The following KCNJ12 variants were observed in gnomAD, a reference collection of about 807,000 sequenced individuals.
KCNJ12 encodes the protein potassium inwardly rectifying channel subfamily J member 12.
A neutral mutation model predicts 22.3 loss-of-function variants in KCNJ12; 2 were observed. The ratio of observed to expected loss-of-function variants is 0.09; its 90% CI spans 0.04 to 0.28. The LOEUF is 0.28. KCNJ12 is among the 10% of genes least tolerant of loss of function. The pLI is 1.00. For synonymous variants in KCNJ12, 117 were observed against 261.4 expected (o/e 0.45, Z 5.33); for missense variants, 155 against 633.3 (o/e 0.24, Z 8.11).
At chr17:21,401,548 G>A (rs1187635291) in intron 1 of KCNJ12, among the ~76,000 whole-genome samples, 1 of 152,226 alleles carries the variant, frequency 6.6e-6, no homozygotes, top group Non-Finnish European at 1.5e-5. Flanking sequence ...GGAGGAAGGT[G>A]GAGACGCCCT....
chr17:21,398,471 C>T (rs1555560139), intron 1 of KCNJ12, among the ~76,000 whole-genome samples: 1 of 152,230 alleles, frequency 6.6e-6, no homozygotes, highest in African/African-American at 2.4e-5. Flanking sequence ...GCCCCCACTG[C>T]CCACAGCATG....
chr17:21,413,708 G>T (rs1273294511), intron 2 of KCNJ12, among the ~76,000 whole-genome samples: 1 of 152,310 alleles, frequency 6.6e-6, no homozygotes, highest in East Asian at 1.9e-4. Flanking sequence ...CTTTAGTGGG[G>T]GCAGCACAGC....
chr17:21,387,239 G>A (rs532334385), intron 1 of KCNJ12, among the ~76,000 whole-genome samples: 2 of 151,728 alleles, frequency 1.3e-5, no homozygotes, highest in African/African-American at 4.8e-5. Flanking sequence ...TCAGGAGATC[G>A]AGACCATCCT....
In KCNJ12 at chr17:21,417,118, T is replaced by C. The variant is rs1906890211; in HGVS notation, c.*474T>C. ...TTACCATGCAATTGAAAAAATTTTT[T>C]TTTAATTCACAGGGGGCAAAAAGAA... On this transcript the variant is annotated 3_prime_UTR_variant, in exon 3 of 3. Coordinates refer to ENST00000583088, the MANE Select transcript of KCNJ12 (RefSeq NM_021012.5). 5.8e-6 allele frequency: 1 copy of C among 173,888 alleles called. No homozygotes were observed. Among genetic ancestry groups the C allele is most frequent in the Admixed American group, 6.3e-5 (1 of 15,848 alleles). 10.8% of individuals were successfully genotyped at this position (173,888 alleles called of 1,614,324 possible). A position where few individuals can be genotyped will look rare whatever the true frequency, so the allele number is the denominator to read the frequency against.
At chr17:21,414,332 G>A (rs1282439095) in intron 2 of KCNJ12, among the ~76,000 whole-genome samples, 1 of 152,298 alleles carries the variant, frequency 6.6e-6, no homozygotes, top group African/African-American at 2.4e-5. Flanking sequence ...AAAGTTAGCT[G>A]GATGTGGTGG....
intron 2 of KCNJ12, among the ~76,000 whole-genome samples, chr17:21,414,735 G>C (rs1906591273): frequency 6.6e-6 from 1 of 152,312 alleles, no homozygotes; most frequent in Non-Finnish European, 1.5e-5. Context: ...GTGGGTTTGA[G>C]GGACAGCCTG....
chr17:21,410,918 A>G (rs1274378508), intron 2 of KCNJ12, among the ~76,000 whole-genome samples: 2 of 152,306 alleles, frequency 1.3e-5, no homozygotes, highest in African/African-American at 2.4e-5. Context: ...AGCACGTGGC[A>G]GGTAGTAAGC....
At position 21,419,230 on chromosome 17, in the gene KCNJ12, G is replaced by A. The variant is rs1230772154; in HGVS notation, c.*2586G>A. 6 of 166,872 alleles carry A rather than the reference G, an allele frequency of 3.6e-5. No individual in the cohort carries two copies. The highest frequency in any genetic ancestry group is 2.1e-4 in the South Asian group (1 of 4,800). The allele number at this position is 166,872 out of a possible 1,614,324, so 10.3% of individuals were successfully genotyped here. A position where few individuals can be genotyped will look rare whatever the true frequency, so the allele number is the denominator to read the frequency against. On this transcript the variant is annotated 3_prime_UTR_variant, in exon 3 of 3. Transcript: ENST00000583088. ...GAGCCTGCATGCATACATGTGTGGT[G>A]CACACATGCACACTCGGCTCTTCAT...
chr17:21,395,609 A>G (rs556558114), intron 1 of KCNJ12, among the ~76,000 whole-genome samples: 3 of 152,066 alleles, frequency 2.0e-5, no homozygotes, highest in East Asian at 1.9e-4. Flanking sequence ...GAAAAAAGAA[A>G]AAAAGGAAAT....
intron 1 of KCNJ12, among the ~76,000 whole-genome samples, chr17:21,382,962 C>T (rs1904929288): frequency 6.6e-6 from 1 of 152,202 alleles, no homozygotes; most frequent in South Asian, 2.1e-4. Context: ...AGAGAGGGTC[C>T]CCACAGCCGG....
intron 2 of KCNJ12, among the ~76,000 whole-genome samples, chr17:21,414,021 C>A (rs1390046109): frequency 1.3e-5 from 2 of 152,308 alleles, no homozygotes; most frequent in Non-Finnish European, 2.9e-5. Flanking sequence ...AGATCTTACC[C>A]TCTTTGGCAC....
intron 1 of KCNJ12, among the ~76,000 whole-genome samples, chr17:21,392,629 T>TG (rs1289063892): frequency 6.6e-6 from 1 of 152,154 alleles, no homozygotes; most frequent in African/African-American, 2.4e-5. Context: ...GGTTCTGTAG[T>TG]GGGGGGATTT....
At chr17:21,395,188 G>A (rs1905311781) in intron 1 of KCNJ12, among the ~76,000 whole-genome samples, 1 of 151,910 alleles carries the variant, frequency 6.6e-6, no homozygotes, top group Admixed American at 6.6e-5. Flanking sequence ...CTAGCTACCC[G>A]GGAGGCTGAG....
chr17:21,418,647 G>C lies in KCNJ12; in HGVS notation c.*2003G>C, dbSNP rs1368650199. ...CATTTCTGGCATAGAAGATTCCGCC[G>C]AGGCAGCTCTTTCCTCTCGGGGTCT... is the stretch of plus-strand genomic sequence containing the variant. On this transcript the variant is annotated 3_prime_UTR_variant, in exon 3 of 3. Coordinates refer to ENST00000583088, the MANE Select transcript of KCNJ12 (RefSeq NM_021012.5). The C allele has an allele frequency of 6.0e-6, 1 of 167,406 alleles. No individual in the cohort carries two copies. The highest frequency in any genetic ancestry group is 6.5e-5 in the Admixed American group (1 of 15,288). 10.4% of individuals were successfully genotyped at this position (167,406 alleles called of 1,614,324 possible).
At chr17:21,412,741 G>A (rs1170389207) in intron 2 of KCNJ12, among the ~76,000 whole-genome samples, 9 of 152,412 alleles carry the variant, frequency 5.9e-5, no homozygotes, top group African/African-American at 2.2e-4. Flanking sequence ...CAGCCACAGC[G>A]GTGTTGGGGG....
Position 21,419,133 on chromosome 17 carries a change from C to T in KCNJ12, c.*2489C>T, listed in dbSNP as rs1409605327. 5 of 166,874 alleles carry T rather than the reference C, an allele frequency of 3.0e-5. No homozygotes were observed. The highest frequency in any genetic ancestry group is 3.9e-4 in the East Asian group (2 of 5,174). 10.3% of individuals were successfully genotyped at this position (166,874 alleles called of 1,614,324 possible). ...CTTTAGTGCACTTGAAGCGGGAGGG[C>T]GGATGGGATGAGCCAGGAGCGAGGA... On this transcript the variant is annotated 3_prime_UTR_variant, in exon 3 of 3. Coordinates refer to ENST00000583088, the MANE Select transcript of KCNJ12 (RefSeq NM_021012.5).
In KCNJ12 at chr17:21,376,552, GGCGCCGGGGCGTAGGGGAGC is replaced by G. The variant is rs1358287698; in HGVS notation, c.-531_-512del. ...GGTCAGAGCCTGCGAGGAGGTGCGG[GGCGCCGGGGCGTAGGGGAGC>G]GCGCCGGGCCCTGCCCGAGATCAGA... On this transcript the variant is annotated 5_prime_UTR_variant, in exon 1 of 3. Transcript: ENST00000583088. This position sits in a 1 kb window ranked among gnomAD's most constrained non-coding sequence, Gnocchi z 5.3. 6.6e-6 allele frequency: 1 copy of G among 151,964 alleles called. No homozygotes were observed. Among genetic ancestry groups the G allele is most frequent in the Admixed American group, 6.5e-5 (1 of 15,272 alleles). 9.4% of individuals were successfully genotyped at this position (151,964 alleles called of 1,614,324 possible).
At chr17:21,389,818 G>T (rs570425550) in intron 1 of KCNJ12, among the ~76,000 whole-genome samples, 1 of 152,136 alleles carries the variant, frequency 6.6e-6, no homozygotes, top group African/African-American at 2.4e-5. Flanking sequence ...CCCAGGCAGG[G>T]AGGTCCCCAG....
chr17:21,380,710 G>C (rs1286408785), intron 1 of KCNJ12, among the ~76,000 whole-genome samples: 4 of 152,184 alleles, frequency 2.6e-5, no homozygotes, highest in Admixed American at 2.0e-4. Context: ...TGGGGAACTC[G>C]TCATTTCCCC....
Sources: gnomAD v4.1 joint callset for allele counts (sites outside exome capture counted in the v4.1 genomes callset) on GRCh38, gnomAD v4.1.1 for gene constraint, Gnocchi (gnomAD v3.1) non-coding constraint, MANE v1.5 for transcripts, NCBI Gene and HGNC (gene_info 2026-07-23, HGNC 2026-07-21) for gene names.